Variants in SEPTIN9 observed in about 807,000 individuals in gnomAD.
The protein encoded by SEPTIN9 is septin 9, also known as septin-9.
Under a neutral mutation model 56.6 loss-of-function variants are expected in SEPTIN9, and 13 were observed. The ratio of observed to expected loss-of-function variants is 0.23; its 90% CI spans 0.15 to 0.37. The LOEUF is 0.37. SEPTIN9 is among the 10% of genes least tolerant of loss of function. SEPTIN9 has a pLI of 1.00. For synonymous variants in SEPTIN9, 332 were observed against 334.1 expected (o/e 0.99, Z 0.07); for missense variants, 650 against 823.1 (o/e 0.79, Z 2.57).
chr17:77,330,768 C>T lies in SEPTIN9; in HGVS notation c.76+23571C>T, dbSNP rs1025384831. 2.0e-5 allele frequency among the ~76,000 whole-genome samples: 3 copies of T among 152,224 alleles called. No homozygotes were observed. The highest frequency in any genetic ancestry group is 6.5e-5 in the Admixed American group (1 of 15,282). Reference sequence around the variant, plus strand: ...TGCCTGTCCGGCAGCAGAAGGGAACCCCGGGCCTGGGCCTCTCCATTCTGT... The same window carrying T: ...TGCCTGTCCGGCAGCAGAAGGGAACTCCGGGCCTGGGCCTCTCCATTCTGT... On this transcript the variant is annotated intron_variant, in intron 2 of 11. Coordinates refer to ENST00000427177, the MANE Select transcript of SEPTIN9 (RefSeq NM_001113491.2). The surrounding 1 kb of genome is among the most constrained non-coding windows in gnomAD (Gnocchi z 4.4).
rs1164524151 is a variant in SEPTIN9 at position 77,498,374 on chromosome 17, G to T, written c.1626-149G>T. The T allele has an allele frequency of 7.9e-6, 5 of 633,418 alleles. No homozygotes were observed. In the East Asian group the frequency reaches 8.2e-5, roughly 10 times the overall value. The allele number at this position is 633,418 out of a possible 1,614,324, so 39.2% of individuals were successfully genotyped here. A position where few individuals can be genotyped will look rare whatever the true frequency, so the allele number is the denominator to read the frequency against. ...CTGGTCCAACATGGTGGGCCTGGGG[G>T]ACCCCATGGGGAGCCAAGCAGTCGG... is the stretch of plus-strand genomic sequence containing the variant. On this transcript the variant is annotated intron_variant, in intron 11 of 11. Coordinates refer to ENST00000427177, the MANE Select transcript of SEPTIN9 (RefSeq NM_001113491.2).
rs192433442 is a variant in SEPTIN9, at chr17:77,418,983, T to A, written c.721+16280T>A. On this transcript the variant is annotated intron_variant, in intron 3 of 11. Coordinates refer to ENST00000427177, the MANE Select transcript of SEPTIN9 (RefSeq NM_001113491.2). ...GACAGATTTCCCTGCCTGAGCCTCC[T>A]GGTTGCCCATACCCTGGCCTCCCAA... is the stretch of plus-strand genomic sequence containing the variant. Among the ~76,000 whole-genome samples, 7 of 152,290 alleles carry A rather than the reference T, an allele frequency of 4.6e-5. No homozygotes were observed. The East Asian group carries it at 9.7e-4, about 21-fold the overall frequency.
At chr17:77,307,814 A>G (rs4789440) in intron 2 of SEPTIN9, among the ~76,000 whole-genome samples, 86,705 of 152,114 alleles carry the variant, frequency 0.57, 25,864 homozygotes, top group East Asian at 0.78. Flanking sequence ...TATAGGCTTG[A>G]AGGGACTCTA....
At chr17:77,442,820 C>T (rs2037598528) in intron 3 of SEPTIN9, among the ~76,000 whole-genome samples, 2 of 151,858 alleles carry the variant, frequency 1.3e-5, no homozygotes, top group Non-Finnish European at 2.9e-5. Flanking sequence ...TTGCAGTGAG[C>T]TGAGATCATA....
chr17:77,373,627 G>C, intron 2 of SEPTIN9: 1 of 1,520,742 alleles, frequency 6.6e-7, no homozygotes, highest in Non-Finnish European at 8.8e-7. Flanking sequence ...CGCGGGACGG[G>C]GGTGCGCTGA....
chr17:77,364,363 T>G (rs2034510094), intron 2 of SEPTIN9, among the ~76,000 whole-genome samples: 1 of 152,190 alleles, frequency 6.6e-6, no homozygotes, highest in East Asian at 1.9e-4. Flanking sequence ...AATTTGTTAA[T>G]GGGGTATATT....
intron 3 of SEPTIN9, among the ~76,000 whole-genome samples, chr17:77,424,046 C>T (rs768435896): frequency 7.9e-5 from 12 of 152,230 alleles, no homozygotes; most frequent in African/African-American, 2.9e-4. Flanking sequence ...TTAGGGACAA[C>T]GCAAGGAGGC....
intron 10 of SEPTIN9, 77 bp downstream of exon 10, chr17:77,493,153 G>A (rs1003595864): frequency 2.3e-5 from 27 of 1,180,254 alleles, no homozygotes; most frequent in African/African-American, 2.0e-4. Context: ...TGTGGGCCAC[G>A]CCTGAGCCAG....
At chr17:77,342,932 A>G (rs1056255260) in intron 2 of SEPTIN9, among the ~76,000 whole-genome samples, 2 of 152,084 alleles carry the variant, frequency 1.3e-5, no homozygotes, top group African/African-American at 4.8e-5. Flanking sequence ...CCGAGATTGC[A>G]CTACTGCACT....
chr17:77,352,065 G>A (rs546277555), intron 2 of SEPTIN9, among the ~76,000 whole-genome samples: 5 of 152,264 alleles, frequency 3.3e-5, no homozygotes, highest in South Asian at 2.1e-4. Context: ...ACTGTCCTGC[G>A]GCTGTCATAA....
chr17:77,366,026 G>A (rs1201012739), intron 2 of SEPTIN9, among the ~76,000 whole-genome samples: 3 of 152,042 alleles, frequency 2.0e-5, no homozygotes, highest in Admixed American at 2.0e-4. Flanking sequence ...GACACCAAGG[G>A]CCCCAGGGAC....
In SEPTIN9 at chr17:77,475,555, G is replaced by T. The variant is rs202206729; in HGVS notation, c.722-6589G>T. The T allele has an allele frequency of 6.2e-7, 1 of 1,613,144 alleles. No individual in the cohort carries two copies. The highest frequency in any genetic ancestry group is 1.1e-5 in the South Asian group (1 of 91,060). ...TTTCTGGGAAGGCCTGCAGGTGGCC[G>T]TAGGGCTGCCGCAGGGGTGCTGGCC... is the stretch of plus-strand genomic sequence containing the variant. On this transcript the variant is annotated intron_variant, in intron 3 of 11. Transcript: ENST00000427177. The surrounding 1 kb of genome is among the most constrained non-coding windows in gnomAD (Gnocchi z 4.6).
In SEPTIN9 at chr17:77,327,334, C is replaced by T. The variant is rs1598198881; in HGVS notation, c.76+20137C>T. 6.6e-6 allele frequency among the ~76,000 whole-genome samples: 1 copy of T among 151,998 alleles called. No individual in the cohort carries two copies. Among genetic ancestry groups the T allele is most frequent in the African/African-American group, 2.4e-5 (1 of 41,430 alleles). ...GCCCGTCTCTTGCTCTGGGCACCCC[C>T]CCACTCCGAACGGCCAGAGCTTCTG... On this transcript the variant is annotated intron_variant, in intron 2 of 11. Coordinates refer to ENST00000427177, the MANE Select transcript of SEPTIN9 (RefSeq NM_001113491.2). This position sits in a 1 kb window ranked among gnomAD's most constrained non-coding sequence, Gnocchi z 5.0.
intron 1 of SEPTIN9, among the ~76,000 whole-genome samples, chr17:77,299,666 A>G (rs1357713045): frequency 2.6e-5 from 4 of 152,228 alleles, no homozygotes; most frequent in South Asian, 2.1e-4. Context: ...CAGAGTCCCA[A>G]TGCCCACTGG....
In SEPTIN9 at chr17:77,327,016, T is replaced by G. The variant is rs1487487602; in HGVS notation, c.76+19819T>G. Among the ~76,000 whole-genome samples, 1 of 152,096 alleles carries G rather than the reference T, an allele frequency of 6.6e-6. No homozygotes were observed. The highest frequency in any genetic ancestry group is 1.5e-5 in the Non-Finnish European group (1 of 68,008). On this transcript the variant is annotated intron_variant, in intron 2 of 11. Transcript: ENST00000427177. This position sits in a 1 kb window ranked among gnomAD's most constrained non-coding sequence, Gnocchi z 5.0. The stretch of plus-strand genomic sequence containing the variant: ...CCTACACATCTCTTCCCCTGTATCC[T>G]TTGTAATATCCTTTATAATAAACTA...
rs766236423 is a variant in SEPTIN9, at chr17:77,498,706, C to CT, written c.*48_*49insT. On this transcript the variant is annotated 3_prime_UTR_variant, in exon 12 of 12. Transcript: ENST00000427177. ...GATCCTGCCCCCAAGTCATTTCCGT[C>CT]CCCCCCCAGGCCCTCCCACCACCCC... 2.3e-6 allele frequency: 2 copies of CT among 881,796 alleles called. No individual in the cohort carries two copies. The highest frequency in any genetic ancestry group is 1.4e-5 in the South Asian group (1 of 70,616). The allele number at this position is 881,796 out of a possible 1,614,324, so 54.6% of individuals were successfully genotyped here.
At position 77,436,104 on chromosome 17, in the gene SEPTIN9, G is replaced by A. The variant is rs2037326502; in HGVS notation, c.721+33401G>A. Among the ~76,000 whole-genome samples the A allele has an allele frequency of 6.6e-6, 1 of 152,200 alleles. No individual in the cohort carries two copies. Among genetic ancestry groups the A allele is most frequent in the Admixed American group, 6.5e-5 (1 of 15,282 alleles). On this transcript the variant is annotated intron_variant, in intron 3 of 11. Coordinates refer to ENST00000427177, the MANE Select transcript of SEPTIN9 (RefSeq NM_001113491.2). This position sits in a 1 kb window ranked among gnomAD's most constrained non-coding sequence, Gnocchi z 4.4. ...GGGTGGGAGTTGAGTTGAGCTCGGC[G>A]GCTGCCTTTCCACCCTGCGGGCCTG...
chr17:77,326,432 G>T lies in SEPTIN9; in HGVS notation c.76+19235G>T, dbSNP rs920122894. Reference sequence around the variant, plus strand: ...CAGGTCAGGAGGGCTGCCTCGGGGGGACACCTTCGGGCTGAGCGCAGAAGG... The same window carrying T: ...CAGGTCAGGAGGGCTGCCTCGGGGGTACACCTTCGGGCTGAGCGCAGAAGG... On this transcript the variant is annotated intron_variant, in intron 2 of 11. Transcript: ENST00000427177. This position sits in a 1 kb window ranked among gnomAD's most constrained non-coding sequence, Gnocchi z 5.1. Among the ~76,000 whole-genome samples the T allele has an allele frequency of 6.6e-6, 1 of 152,200 alleles. No homozygotes were observed. The highest frequency in any genetic ancestry group is 1.9e-4 in the East Asian group (1 of 5,192).
intron 1 of SEPTIN9, among the ~76,000 whole-genome samples, chr17:77,283,123 TC>T (rs1354713809): frequency 4.7e-5 from 7 of 149,242 alleles, no homozygotes; most frequent in Non-Finnish European, 1.0e-4. Context: ...TTTTCTCCTC[TC>T]CTCCACACAC....
Sources: allele counts gnomAD v4.1 joint callset (sites outside exome capture counted in the v4.1 genomes callset), GRCh38; gene constraint gnomAD v4.1.1; non-coding constraint Gnocchi (gnomAD v3.1); transcripts MANE v1.5; gene names NCBI Gene and HGNC (gene_info 2026-07-23, HGNC 2026-07-21).